PAFAH2: variants seen among roughly 807,000 people sequenced by gnomAD.
The protein encoded by PAFAH2 is platelet activating factor acetylhydrolase 2, also known as platelet-activating factor acetylhydrolase 2, cytoplasmic.
Under a neutral mutation model 49.0 loss-of-function variants are expected in PAFAH2, and 42 were observed. That is an observed-to-expected ratio of 0.86 (90% CI 0.67 to 1.11). The LOEUF (loss-of-function observed/expected upper bound fraction) is 1.11, where lower values mean the gene tolerates loss of function less well. Ranked by LOEUF, PAFAH2 falls within the 50% of genes least tolerant of loss-of-function variation. PAFAH2 has a pLI of 0.00. For missense variants in PAFAH2, 503 were observed against 501.8 expected (o/e 1.00, Z -0.02); for synonymous variants, 184 against 181.3 (o/e 1.01, Z -0.12).
At position 25,972,738 on chromosome 1, in the gene PAFAH2, A is replaced by T. The variant is rs553215151; in HGVS notation, c.930-26T>A. Reference sequence around the variant, plus strand: ...CTAGGGGAAAAGAAAAACAACTGGCAGGGGTCTGGCGGCTAGGGCATACAG... The same window carrying T: ...CTAGGGGAAAAGAAAAACAACTGGCTGGGGTCTGGCGGCTAGGGCATACAG... On this transcript the variant is annotated intron_variant, in intron 9 of 10. Coordinates refer to ENST00000374282, the MANE Select transcript of PAFAH2 (RefSeq NM_000437.4). The T allele has an allele frequency of 1.9e-5, 31 of 1,613,762 alleles. No homozygotes were observed. The African/African-American group carries it at 2.3e-4, about 12-fold the overall frequency.
chr1:25,977,509 G>A (rs900235226), intron 7 of PAFAH2, among the ~76,000 whole-genome samples: 14 of 151,662 alleles, frequency 9.2e-5, no homozygotes, highest in African/African-American at 3.1e-4. Flanking sequence ...ACAAAAATTA[G>A]CTGGGCATGG....
intron 8 of PAFAH2, 145 bp downstream of exon 8, chr1:25,976,537 A>C: frequency 1.6e-6 from 1 of 610,260 alleles, no homozygotes; most frequent in Non-Finnish European, 2.9e-6. Context: ...TAATCCCATG[A>C]AATCAGAGAT....
chr1:25,990,253 T>C (rs1389542838), intron 2 of PAFAH2, among the ~76,000 whole-genome samples: 1 of 152,056 alleles, frequency 6.6e-6, no homozygotes, highest in Non-Finnish European at 1.5e-5. Flanking sequence ...TATACATATA[T>C]ATAAGATAGA....
At chr1:25,969,787 G>T (rs2049479608) in intron 10 of PAFAH2, among the ~76,000 whole-genome samples, 1 of 152,110 alleles carries the variant, frequency 6.6e-6, no homozygotes, top group Non-Finnish European at 1.5e-5. Context: ...ATCGTGCCAT[G>T]GTGGGCTTCC....
chr1:25,993,062 T>C (rs1478812032), intron 1 of PAFAH2, among the ~76,000 whole-genome samples: 2 of 152,054 alleles, frequency 1.3e-5, no homozygotes, highest in South Asian at 4.1e-4. Context: ...CACAGAGAAA[T>C]AGAGGCCCAT....
At chr1:25,977,935 G>C (rs541368339) in intron 7 of PAFAH2, among the ~76,000 whole-genome samples, 1 of 152,240 alleles carries the variant, frequency 6.6e-6, no homozygotes, top group South Asian at 2.1e-4. Flanking sequence ...CCAAAGCCAA[G>C]GGGAAGAGTG....
chr1:25,972,488 G>T (rs2049523153), intron 10 of PAFAH2, 70 bp downstream of exon 10: 1 of 1,514,592 alleles, frequency 6.6e-7, no homozygotes, highest in Non-Finnish European at 9.0e-7. Context: ...ACATGTCAGA[G>T]TTCTCACTCT....
Position 25,960,436 on chromosome 1 carries a change from A to C in PAFAH2, c.*1553T>G, listed in dbSNP as rs1309591682. On this transcript the variant is annotated 3_prime_UTR_variant, in exon 11 of 11. Coordinates refer to ENST00000374282, the MANE Select transcript of PAFAH2 (RefSeq NM_000437.4). Reference sequence around the variant, plus strand: ...TCCCTAAGAAGACTTCCTTCCTTTTAAAGTTTTTTTCCCACATGGGCCCAA... The same window carrying C: ...TCCCTAAGAAGACTTCCTTCCTTTTCAAGTTTTTTTCCCACATGGGCCCAA... The C allele has an allele frequency of 6.6e-6, 1 of 152,656 alleles. No homozygotes were observed. The highest frequency in any genetic ancestry group is 1.5e-5 in the Non-Finnish European group (1 of 68,040). 9.5% of individuals were successfully genotyped at this position (152,656 alleles called of 1,614,324 possible).
Position 25,984,941 on chromosome 1 carries a change from G to A in PAFAH2, c.342-413C>T, listed in dbSNP as rs541171751. 4.8e-5 allele frequency among the ~76,000 whole-genome samples: 7 copies of A among 144,578 alleles called. No homozygotes were observed. In the East Asian group the frequency reaches 1.4e-3, roughly 30 times the overall value. 94.8% of individuals were successfully genotyped at this position (144,578 alleles called of 152,430 possible). A position where few individuals can be genotyped will look rare whatever the true frequency, so the allele number is the denominator to read the frequency against. On this transcript the variant is annotated intron_variant, in intron 4 of 10. Coordinates refer to ENST00000374282, the MANE Select transcript of PAFAH2 (RefSeq NM_000437.4). ...TTGGCCTCGGCTCACTGCAACCTCT[G>A]CCTCCCGGGGTCAAGTGATTCTCCT...
intron 10 of PAFAH2, among the ~76,000 whole-genome samples, chr1:25,969,862 T>G (rs926745577): frequency 1.3e-5 from 2 of 152,078 alleles, no homozygotes; most frequent in African/African-American, 4.8e-5. Context: ...GGAAGGGGGC[T>G]GAGGACCAGG....
In PAFAH2 at chr1:25,971,523, G is replaced by GA. The variant is rs975526184; in HGVS notation, c.1084+1034dup. Among the ~76,000 whole-genome samples the GA allele has an allele frequency of 3.3e-4, 50 of 150,796 alleles. 1 individual carries two copies. Among genetic ancestry groups the GA allele is most frequent in the African/African-American group, 7.6e-4 (31 of 41,058 alleles). On this transcript the variant is annotated intron_variant, in intron 10 of 10. Coordinates refer to ENST00000374282, the MANE Select transcript of PAFAH2 (RefSeq NM_000437.4). ...TCAGTGAGAGAAAAACCACAGAGCAGAAAAAAAAATGCATAACGGAACAAA... is the reference window on the plus strand; with the variant it reads ...TCAGTGAGAGAAAAACCACAGAGCAGAAAAAAAAAATGCATAACGGAACAAA...
chr1:25,984,203 G>A, intron 5 of PAFAH2, 116 bp from the exon 6 acceptor site: 1 of 1,239,708 alleles, frequency 8.1e-7, no homozygotes, highest in Non-Finnish European at 1.2e-6. Flanking sequence ...GGCTAGTAGG[G>A]AAGGAGATCT....
chr1:25,980,326 TAA>T lies in PAFAH2; in HGVS notation c.666+2036_666+2037del, dbSNP rs113114314. Among the ~76,000 whole-genome samples, 305 of 152,092 alleles carry T rather than the reference TAA, an allele frequency of 2.0e-3. 1 individual carries two copies. Among genetic ancestry groups the T allele is most frequent in the African/African-American group, 7.1e-3 (293 of 41,506 alleles). On this transcript the variant is annotated intron_variant, in intron 7 of 10. Coordinates refer to ENST00000374282, the MANE Select transcript of PAFAH2 (RefSeq NM_000437.4). Reference sequence around the variant, plus strand: ...TCATAAAGCAGTAATCGTAAATATATAAGTTTTTTTTTTTTGAGACGGAGTCT... The same window carrying T: ...TCATAAAGCAGTAATCGTAAATATATGTTTTTTTTTTTTGAGACGGAGTCT...
Position 25,992,095 on chromosome 1 carries a change from A to C in PAFAH2, c.-47-1232T>G, listed in dbSNP as rs138088348. Among the ~76,000 whole-genome samples, 961 of 104,742 alleles carry C rather than the reference A, an allele frequency of 9.2e-3. 9 individuals are homozygous for C. Among genetic ancestry groups the C allele is most frequent in the Admixed American group, 0.016 (146 of 8,944 alleles). The allele number at this position is 104,742 out of a possible 152,430, so 68.7% of individuals were successfully genotyped here. A position where few individuals can be genotyped will look rare whatever the true frequency, so the allele number is the denominator to read the frequency against. ...AGTTACTGAACTAAGCTTTTTCTTA[A>C]AACCGTTTGATTTTTTTGAGAGACA... On this transcript the variant is annotated intron_variant, in intron 1 of 10. Coordinates refer to ENST00000374282, the MANE Select transcript of PAFAH2 (RefSeq NM_000437.4).
At chr1:25,994,126 C>A (rs2049908458) in intron 1 of PAFAH2, among the ~76,000 whole-genome samples, 1 of 149,744 alleles carries the variant, frequency 6.7e-6, no homozygotes, top group Admixed American at 6.8e-5. Flanking sequence ...GGAGGCCCAG[C>A]TCATTTGGTG....
intron 4 of PAFAH2, among the ~76,000 whole-genome samples, chr1:25,984,845 C>CT (rs34522205): frequency 0.49 from 50,967 of 104,362 alleles, 14,814 homozygotes; most frequent in South Asian, 0.64. Flanking sequence ...AGAGAGATTT[C>CT]TTTTTTTTTT....
intron 10 of PAFAH2, among the ~76,000 whole-genome samples, chr1:25,965,349 G>T (rs2049403921): frequency 1.3e-5 from 2 of 152,134 alleles, no homozygotes; most frequent in South Asian, 4.1e-4. Context: ...CTCACGCAAA[G>T]AATTCGTCCT....
At chr1:25,986,238 C>G (rs1163908676) in intron 4 of PAFAH2, among the ~76,000 whole-genome samples, 1 of 152,082 alleles carries the variant, frequency 6.6e-6, no homozygotes, top group Non-Finnish European at 1.5e-5. Flanking sequence ...CAATGACATC[C>G]AAACTAAGAT....
intron 10 of PAFAH2, 92 bp downstream of exon 10, chr1:25,972,466 C>T (rs765671432): frequency 1.4e-6 from 2 of 1,393,988 alleles, no homozygotes; most frequent in Non-Finnish European, 2.0e-6. Flanking sequence ...AAATCTCCTT[C>T]CCAGATCCCA....
Sources: allele counts gnomAD v4.1 joint callset (sites outside exome capture counted in the v4.1 genomes callset), GRCh38; gene constraint gnomAD v4.1.1; transcripts MANE v1.5; gene names NCBI Gene and HGNC (gene_info 2026-07-23, HGNC 2026-07-21).